Variants in OXR1 observed in about 807,000 individuals in gnomAD.
OXR1 encodes oxidation resistance protein 1.
A neutral mutation model predicts 104.6 loss-of-function variants in OXR1; 41 were observed. That is an observed-to-expected ratio of 0.39 (90% confidence interval 0.31 to 0.51). The LOEUF (loss-of-function observed/expected upper bound fraction) is 0.51, where lower values mean the gene tolerates loss of function less well. OXR1 is among the 20% of genes least tolerant of loss of function. OXR1 has a pLI of 0.77. For missense variants in OXR1, 955 were observed against 1,031.9 expected (o/e 0.93, Z 1.02); for synonymous variants, 348 against 348.4 (o/e 1.00, Z 0.01).
intron 3 of OXR1, among the ~76,000 whole-genome samples, chr8:106,629,253 T>C (rs1032417894): frequency 1.3e-5 from 2 of 152,038 alleles, no homozygotes; most frequent in African/African-American, 4.8e-5. Context: ...TTTTTTTTCC[T>C]CATGGTCCTT....
chr8:106,513,104 G>A (rs1157820337), intron 2 of OXR1, among the ~76,000 whole-genome samples: 1 of 152,082 alleles, frequency 6.6e-6, no homozygotes, highest in Non-Finnish European at 1.5e-5. Flanking sequence ...AATAAATTAT[G>A]CAAGAGTAAA....
At chr8:106,400,256 C>G (rs1236690333) in intron 2 of OXR1, among the ~76,000 whole-genome samples, 1 of 152,082 alleles carries the variant, frequency 6.6e-6, no homozygotes, top group Non-Finnish European at 1.5e-5. Flanking sequence ...TCCATATTTC[C>G]AAGCATACTG....
intron 11 of OXR1, among the ~76,000 whole-genome samples, chr8:106,730,781 A>G (rs1487462017): frequency 6.6e-6 from 1 of 152,062 alleles, no homozygotes; most frequent in Non-Finnish European, 1.5e-5. Context: ...TGTGTTTGCT[A>G]GGCCAGTGTG....
At chr8:106,465,001 C>T (rs909493318) in intron 2 of OXR1, among the ~76,000 whole-genome samples, 2 of 151,724 alleles carry the variant, frequency 1.3e-5, no homozygotes, top group African/African-American at 4.8e-5. Context: ...GCCCTCATTC[C>T]AGGAGGAAAG....
intron 1 of OXR1, among the ~76,000 whole-genome samples, chr8:106,288,292 A>C (rs547689335): frequency 3.9e-5 from 6 of 152,306 alleles, no homozygotes; most frequent in South Asian, 2.1e-4. Context: ...CATGTGGAAC[A>C]TTGCCGACAG....
intron 3 of OXR1, among the ~76,000 whole-genome samples, chr8:106,659,703 G>T (rs925899498): frequency 3.9e-5 from 6 of 152,214 alleles, no homozygotes; most frequent in Non-Finnish European, 8.8e-5. Context: ...CCAAACACGT[G>T]TATCTGATTC....
At chr8:106,717,738 G>A (rs777505996) in intron 11 of OXR1, among the ~76,000 whole-genome samples, 15 of 152,126 alleles carry the variant, frequency 9.9e-5, no homozygotes, top group African/African-American at 3.4e-4. Flanking sequence ...AAACTTGGGC[G>A]TAGATTAAAA....
chr8:106,481,751 T>G (rs541095418), intron 2 of OXR1, among the ~76,000 whole-genome samples: 1 of 152,184 alleles, frequency 6.6e-6, no homozygotes, highest in Admixed American at 6.6e-5. Flanking sequence ...AAACATAACT[T>G]GATGGACTCA....
At chr8:106,545,018 C>T (rs1815244462) in intron 3 of OXR1, among the ~76,000 whole-genome samples, 1 of 152,050 alleles carries the variant, frequency 6.6e-6, no homozygotes, top group East Asian at 1.9e-4. Flanking sequence ...CATTTTGGGC[C>T]ATAGAATTAT....
intron 3 of OXR1, among the ~76,000 whole-genome samples, chr8:106,663,471 A>G (rs1037248851): frequency 3.3e-5 from 5 of 152,196 alleles, no homozygotes; most frequent in Admixed American, 6.5e-5. Flanking sequence ...GCAAAATCCA[A>G]TGAGGGTGTG....
chr8:106,571,514 G>A (rs796523309), intron 3 of OXR1, among the ~76,000 whole-genome samples: 4 of 152,158 alleles, frequency 2.6e-5, no homozygotes, highest in African/African-American at 9.6e-5. Flanking sequence ...ACTGGGTGGC[G>A]GCCAGGGGTG....
chr8:106,428,332 C>T (rs957945273), intron 2 of OXR1, among the ~76,000 whole-genome samples: 8 of 152,172 alleles, frequency 5.3e-5, no homozygotes, highest in African/African-American at 1.7e-4. Context: ...AAAAGGTAGA[C>T]ATTTTCAGAA....
At chr8:106,594,271 A>T (rs578016109) in intron 3 of OXR1, among the ~76,000 whole-genome samples, 2 of 152,212 alleles carry the variant, frequency 1.3e-5, no homozygotes, top group Non-Finnish European at 2.9e-5. Context: ...CATTAAAGTG[A>T]AACTCTAATA....
chr8:106,732,696 G>C (rs189677075), intron 11 of OXR1, among the ~76,000 whole-genome samples: 12 of 152,150 alleles, frequency 7.9e-5, no homozygotes, highest in Admixed American at 6.5e-4. Flanking sequence ...GATTTTCAAG[G>C]CTGTACCAGT....
At chr8:106,381,175 A>G (rs1047122366) in intron 2 of OXR1, among the ~76,000 whole-genome samples, 1 of 152,216 alleles carries the variant, frequency 6.6e-6, no homozygotes, top group Non-Finnish European at 1.5e-5. Flanking sequence ...GGAACTAAAT[A>G]TAAGTTATTC....
chr8:106,386,773 C>T (rs773694233), intron 2 of OXR1, among the ~76,000 whole-genome samples: 7 of 152,130 alleles, frequency 4.6e-5, no homozygotes, highest in Non-Finnish European at 1.0e-4. Flanking sequence ...GCAAGTTTCT[C>T]TGGTGTAAAG....
chr8:106,368,521 A>G (rs1331800516), intron 2 of OXR1, among the ~76,000 whole-genome samples: 1 of 151,642 alleles, frequency 6.6e-6, no homozygotes, highest in African/African-American at 2.4e-5. Context: ...TGCTGCACCT[A>G]TTGACTTGTC....
rs547497489 is a variant in OXR1, at chr8:106,284,811, T to TA, written c.-139+14453dup. 2.8e-3 allele frequency among the ~76,000 whole-genome samples: 422 copies of TA among 151,330 alleles called. 1 individual carries two copies. Among genetic ancestry groups the TA allele is most frequent in the African/African-American group, 8.4e-3 (348 of 41,336 alleles). On this transcript the variant is annotated intron_variant, in intron 1 of 16. Coordinates refer to ENST00000517566, the MANE Select transcript of OXR1 (RefSeq NM_001198533.2). ...ATTAACATTAACCTCAATCTTTTTT[T>TA]AAAAAAAAAGGCTGTTAAAATTATT...
chr8:106,508,800 TG>T (rs1011293610), intron 2 of OXR1, among the ~76,000 whole-genome samples: 27 of 152,264 alleles, frequency 1.8e-4, no homozygotes, highest in African/African-American at 6.3e-4. Flanking sequence ...TGTCTTCTTT[TG>T]GGGAAAGTTA....
Sources: gnomAD v4.1 joint callset for allele counts (sites outside exome capture counted in the v4.1 genomes callset) on GRCh38, gnomAD v4.1.1 for gene constraint, MANE v1.5 for transcripts, NCBI Gene and HGNC (gene_info 2026-07-23, HGNC 2026-07-21) for gene names.